Variants in FGGY observed in about 807,000 individuals in gnomAD.
FGGY encodes the protein FGGY carbohydrate kinase domain containing.
Under a neutral mutation model 71.3 loss-of-function variants are expected in FGGY, and 72 were observed. That is an observed-to-expected ratio of 1.01 (90% confidence interval 0.84 to 1.23). FGGY has a LOEUF of 1.23. Ranked by LOEUF, FGGY falls within the 50% of genes most tolerant of loss-of-function variation. The probability of loss-of-function intolerance (pLI) is 0.00; values close to 1 mark genes in which losing one functional copy is unlikely to be tolerated. For synonymous variants in FGGY, 251 were observed against 250.3 expected, an observed-to-expected ratio of 1.00 and a Z score of -0.02; for missense variants, 668 against 682.3, an observed-to-expected ratio of 0.98 and a Z score of 0.23.
At chr1:59,463,683 GAA>G (rs147453923) in intron 6 of FGGY, among the ~76,000 whole-genome samples, 57,447 of 131,744 alleles carry the variant, frequency 0.44, 11,450 homozygotes, top group Middle Eastern at 0.54. Flanking sequence ...CAAGCAAATG[GAA>G]AAAAAAAAAA....
At chr1:59,665,528 T>G (rs1438184010) in intron 12 of FGGY, among the ~76,000 whole-genome samples, 1 of 152,108 alleles carries the variant, frequency 6.6e-6, no homozygotes, top group Non-Finnish European at 1.5e-5. Flanking sequence ...CAGATCACCC[T>G]CTGACCACTC....
intron 5 of FGGY, among the ~76,000 whole-genome samples, chr1:59,443,681 C>T (rs1254309558): frequency 6.6e-6 from 1 of 152,110 alleles, no homozygotes; most frequent in East Asian, 1.9e-4. Context: ...TTGGATAGGC[C>T]AAAATGAGTT....
At chr1:59,612,838 G>A (rs544880448) in intron 9 of FGGY, among the ~76,000 whole-genome samples, 2 of 152,218 alleles carry the variant, frequency 1.3e-5, no homozygotes, top group East Asian at 3.9e-4. Flanking sequence ...AAAGGCAGGG[G>A]TTGCAATCCT....
At chr1:59,308,037 C>T (rs970671256) in intron 1 of FGGY, among the ~76,000 whole-genome samples, 7 of 152,136 alleles carry the variant, frequency 4.6e-5, no homozygotes, top group Admixed American at 1.3e-4. Flanking sequence ...GTGTGCTTAC[C>T]GTGTGCAGCT....
intron 11 of FGGY, among the ~76,000 whole-genome samples, chr1:59,659,396 G>A (rs2097253967): frequency 6.6e-6 from 1 of 152,170 alleles, no homozygotes; most frequent in Non-Finnish European, 1.5e-5. Flanking sequence ...TCCATACCTG[G>A]TTGAGCTCAG....
chr1:59,338,044 A>C (rs835389), intron 2 of FGGY, among the ~76,000 whole-genome samples: 4,360 of 152,110 alleles, frequency 0.029, 197 homozygotes, highest in African/African-American at 0.1. Context: ...TGGTTTATTG[A>C]ATGTTATATT....
intron 14 of FGGY, among the ~76,000 whole-genome samples, chr1:59,691,311 G>A (rs1311007026): frequency 6.6e-6 from 1 of 152,164 alleles, no homozygotes; most frequent in Non-Finnish European, 1.5e-5. Context: ...AGGTTGGAGG[G>A]CCCTCACCAT....
intron 9 of FGGY, among the ~76,000 whole-genome samples, chr1:59,623,502 C>T (rs2096829557): frequency 6.6e-6 from 1 of 152,298 alleles, no homozygotes; most frequent in East Asian, 1.9e-4. Context: ...GTGGTTCACT[C>T]ATCCCACATT....
intron 2 of FGGY, among the ~76,000 whole-genome samples, chr1:59,326,803 T>A (rs2047518657): frequency 6.6e-6 from 1 of 152,150 alleles, no homozygotes; most frequent in South Asian, 2.1e-4. Flanking sequence ...ACTACAGGCA[T>A]AATGATAAAT....
intron 14 of FGGY, among the ~76,000 whole-genome samples, chr1:59,693,566 G>A (rs184883734): frequency 6.6e-6 from 1 of 152,312 alleles, no homozygotes; most frequent in Non-Finnish European, 1.5e-5. Context: ...AGAAGAGGAG[G>A]AAGAAAGAGC....
rs999027715 is a variant in FGGY, at chr1:59,336,187, C to G, written c.202-3771C>G. The stretch of plus-strand genomic sequence containing the variant: ...ATGGTGTGAGGTAAGAGTCTAAGTT[C>G]TTTTTTGCATATAGTCATATAGTTC... On this transcript the variant is annotated intron_variant, in intron 2 of 15. Coordinates refer to ENST00000303721, the MANE Select transcript of FGGY (RefSeq NM_018291.5). 7.9e-5 allele frequency among the ~76,000 whole-genome samples: 12 copies of G among 151,966 alleles called. 1 individual carries two copies. The highest frequency in any genetic ancestry group is 7.9e-4 in the Admixed American group (12 of 15,246).
chr1:59,625,173 A>G (rs2096844582), intron 9 of FGGY, among the ~76,000 whole-genome samples: 2 of 152,206 alleles, frequency 1.3e-5, no homozygotes, highest in Admixed American at 6.5e-5. Context: ...GTAAACATTC[A>G]GAAAATATAC....
chr1:59,325,243 G>C (rs1456844658), intron 2 of FGGY, among the ~76,000 whole-genome samples: 1 of 152,130 alleles, frequency 6.6e-6, no homozygotes, highest in Non-Finnish European at 1.5e-5. Flanking sequence ...TGTAGTCCCA[G>C]CTACTTGGGA....
At chr1:59,319,319 C>G (rs748742267) in intron 1 of FGGY, among the ~76,000 whole-genome samples, 5 of 152,170 alleles carry the variant, frequency 3.3e-5, no homozygotes, top group Non-Finnish European at 5.9e-5. Flanking sequence ...TTCAGTTGTT[C>G]ATTCAGTAAA....
At chr1:59,496,265 T>A (rs1033349725) in intron 6 of FGGY, among the ~76,000 whole-genome samples, 2 of 152,072 alleles carry the variant, frequency 1.3e-5, no homozygotes, top group African/African-American at 4.8e-5. Flanking sequence ...AGCAAAGACA[T>A]GAAATCAACC....
intron 9 of FGGY, among the ~76,000 whole-genome samples, chr1:59,619,810 T>C (rs2096791034): frequency 6.6e-6 from 1 of 152,046 alleles, no homozygotes; most frequent in Admixed American, 6.6e-5. Context: ...TTGCTGATTG[T>C]TAACTGGGGA....
chr1:59,372,910 C>G (rs530750839), intron 4 of FGGY, among the ~76,000 whole-genome samples: 1 of 152,204 alleles, frequency 6.6e-6, no homozygotes, highest in African/African-American at 2.4e-5. Context: ...GGACATATCT[C>G]AAAATAATAA....
rs542373015 is a variant in FGGY, at chr1:59,693,824, T to C, written c.1512+19691T>C. ...GAGTTTGAGACCAGCCTGGGCAACA[T>C]GGTGAAAACCTGTCACTACAAAAAA... On this transcript the variant is annotated intron_variant, in intron 14 of 15. Coordinates refer to ENST00000303721, the MANE Select transcript of FGGY (RefSeq NM_018291.5). 3.3e-5 allele frequency among the ~76,000 whole-genome samples: 5 copies of C among 151,244 alleles called. No individual in the cohort carries two copies. In the South Asian group the frequency reaches 1.0e-3, roughly 32 times the overall value.
At chr1:59,723,466 T>C (rs986694034) in intron 14 of FGGY, among the ~76,000 whole-genome samples, 1 of 151,106 alleles carries the variant, frequency 6.6e-6, no homozygotes, top group Non-Finnish European at 1.5e-5. Context: ...TGTATAGAAA[T>C]ACCAGAATTG....
Sources: allele counts gnomAD v4.1 joint callset (sites outside exome capture counted in the v4.1 genomes callset), GRCh38; gene constraint gnomAD v4.1.1; transcripts MANE v1.5; gene names NCBI Gene and HGNC (gene_info 2026-07-23, HGNC 2026-07-21).